The following KIRREL3 variants were observed in gnomAD, a reference collection of about 807,000 sequenced individuals.
KIRREL3 encodes kin of IRRE-like protein 3.
Under a neutral mutation model 89.7 loss-of-function variants are expected in KIRREL3, and 36 were observed. The observed-to-expected ratio is 0.40, with a 90% CI of 0.31 to 0.53. The LOEUF (loss-of-function observed/expected upper bound fraction) is 0.53. KIRREL3 is among the 20% of genes least tolerant of loss of function. The pLI is 0.49. For missense variants in KIRREL3, 864 were observed against 1,056.6 expected (o/e 0.82, Z 2.53); for synonymous variants, 445 against 441.4 (o/e 1.01, Z -0.10).
chr11:126,593,030 A>C (rs1047929756), intron 1 of KIRREL3, among the ~76,000 whole-genome samples: 18 of 152,298 alleles, frequency 1.2e-4, no homozygotes, highest in African/African-American at 3.6e-4. Flanking sequence ...AAGGGCTTCT[A>C]GGCCTGAAGC....
intron 1 of KIRREL3, among the ~76,000 whole-genome samples, chr11:126,889,053 G>A (rs1376751418): frequency 6.6e-6 from 1 of 152,240 alleles, no homozygotes; most frequent in Non-Finnish European, 1.5e-5. Flanking sequence ...ATTTACTGAA[G>A]TATGATTGCA....
chr11:126,995,157 T>C lies in KIRREL3; in HGVS notation c.55+5298A>G, dbSNP rs1238021139. The C allele has an allele frequency of 2.2e-6, 1 of 455,698 alleles. No individual in the cohort carries two copies. Among genetic ancestry groups the C allele is most frequent in the Non-Finnish European group, 4.4e-6 (1 of 226,920 alleles). 28.2% of individuals were successfully genotyped at this position (455,698 alleles called of 1,614,324 possible). A position where few individuals can be genotyped will look rare whatever the true frequency, so the allele number is the denominator to read the frequency against. On this transcript the variant is annotated intron_variant, in intron 1 of 16. Coordinates refer to ENST00000525144, the MANE Select transcript of KIRREL3 (RefSeq NM_032531.4). The surrounding 1 kb of genome is among the most constrained non-coding windows in gnomAD (Gnocchi z 6.5). ...TCCCTTACGAATAGCTGTGATGGGATATGAAATCCAAGGGAACTGTTAGCC... is the reference window on the plus strand; with the variant it reads ...TCCCTTACGAATAGCTGTGATGGGACATGAAATCCAAGGGAACTGTTAGCC...
chr11:126,835,038 T>C (rs1317395252), intron 1 of KIRREL3, among the ~76,000 whole-genome samples: 1 of 152,252 alleles, frequency 6.6e-6, no homozygotes, highest in African/African-American at 2.4e-5. Context: ...GAACATAATT[T>C]TGTTTGAAAT....
chr11:126,446,865 T>C lies in KIRREL3; in HGVS notation c.1019A>G (p.Glu340Gly). 1 of 1,604,918 alleles carries C rather than the reference T, an allele frequency of 6.2e-7. No individual in the cohort carries two copies. The highest frequency in any genetic ancestry group is 1.7e-5 in the Admixed American group (1 of 58,764). ...DVYFGPRMTT[E>G]PQSLLVDLGS... is the part of the protein sequence containing the mutation. ...CAGATCCACGAGCAAGGATTGGGGT[T>C]CTGTGGTCATCCGGGGCCCAACTGC... The change falls in exon 9 of 17, where the codon GAA (glutamate) becomes GGA (glycine). Residue 340 changes from glutamate (E) to glycine (G), a missense_variant. Transcript: ENST00000525144.
intron 1 of KIRREL3, among the ~76,000 whole-genome samples, chr11:126,982,809 T>A (rs1010516620): frequency 6.6e-6 from 1 of 152,238 alleles, no homozygotes; most frequent in Non-Finnish European, 1.5e-5. Context: ...TCTTTCACAC[T>A]GTTGTTGTTG....
chr11:126,927,021 G>C (rs1337065046), intron 1 of KIRREL3, among the ~76,000 whole-genome samples: 1 of 152,180 alleles, frequency 6.6e-6, no homozygotes, highest in Non-Finnish European at 1.5e-5. Context: ...GCAAAATATT[G>C]GCAATCGAGC....
At position 126,489,865 on chromosome 11, in the gene KIRREL3, T is replaced by A. The variant is rs1282208544; in HGVS notation, c.434-16399A>T. On this transcript the variant is annotated intron_variant, in intron 4 of 16. Coordinates refer to ENST00000525144, the MANE Select transcript of KIRREL3 (RefSeq NM_032531.4). The surrounding 1 kb of genome is among the most constrained non-coding windows in gnomAD (Gnocchi z 5.5). ...GATCCTCTATCAAAAAACAGGATGG[T>A]GTCGAGTTGCAGTGGGTGCGCTGGG... Among the ~76,000 whole-genome samples, 2 of 152,066 alleles carry A rather than the reference T, an allele frequency of 1.3e-5. No individual in the cohort carries two copies. Among genetic ancestry groups the A allele is most frequent in the Non-Finnish European group, 2.9e-5 (2 of 68,018 alleles).
At position 126,724,573 on chromosome 11, in the gene KIRREL3, T is replaced by A. The variant is rs1031049076; in HGVS notation, c.56-161661A>T. Among the ~76,000 whole-genome samples, 1 of 152,184 alleles carries A rather than the reference T, an allele frequency of 6.6e-6. No homozygotes were observed. The highest frequency in any genetic ancestry group is 2.4e-5 in the African/African-American group (1 of 41,446). ...TTCCAGCTGAAGCAACACGTTTCTGTCCCCAAGGGATGAAGAAGTTTCTTC... is the reference window on the plus strand; with the variant it reads ...TTCCAGCTGAAGCAACACGTTTCTGACCCCAAGGGATGAAGAAGTTTCTTC... On this transcript the variant is annotated intron_variant, in intron 1 of 16. Coordinates refer to ENST00000525144, the MANE Select transcript of KIRREL3 (RefSeq NM_032531.4). The surrounding 1 kb of genome is among the most constrained non-coding windows in gnomAD (Gnocchi z 4.3).
At position 126,430,215 on chromosome 11, in the gene KIRREL3, A is replaced by G. The variant is rs1229361960; in HGVS notation, c.1697-927T>C. On this transcript the variant is annotated intron_variant, in intron 14 of 16. Transcript: ENST00000525144. The surrounding 1 kb of genome is among the most constrained non-coding windows in gnomAD (Gnocchi z 6.6). ...ATCCCAGCACATTGGGAGGCCGAGG[A>G]AGGCGGACCACTTGAGGCCAGGAGT... 6.6e-6 allele frequency among the ~76,000 whole-genome samples: 1 copy of G among 151,516 alleles called. No homozygotes were observed. Among genetic ancestry groups the G allele is most frequent in the African/African-American group, 2.4e-5 (1 of 41,164 alleles).
chr11:126,542,851 A>C (rs1938476287), intron 2 of KIRREL3, among the ~76,000 whole-genome samples: 1 of 152,206 alleles, frequency 6.6e-6, no homozygotes, highest in South Asian at 2.1e-4. Flanking sequence ...AGTGCTGACT[A>C]TATATGTGTC....
chr11:126,633,167 T>G (rs917007458), intron 1 of KIRREL3, among the ~76,000 whole-genome samples: 1 of 152,030 alleles, frequency 6.6e-6, no homozygotes, highest in Non-Finnish European at 1.5e-5. Flanking sequence ...TGTTTGGCCA[T>G]GCCGAGTCCC....
At chr11:126,631,956 C>G (rs1055753445) in intron 1 of KIRREL3, among the ~76,000 whole-genome samples, 1 of 152,146 alleles carries the variant, frequency 6.6e-6, no homozygotes, top group African/African-American at 2.4e-5. Context: ...GAAAGGATGG[C>G]TTCCTAGACT....
chr11:126,442,001 G>A (rs565653711), intron 10 of KIRREL3, among the ~76,000 whole-genome samples: 4 of 152,148 alleles, frequency 2.6e-5, no homozygotes, highest in South Asian at 4.2e-4. Flanking sequence ...GGTCAGGTGC[G>A]GTGGCTCACA....
rs573767347 is a variant in KIRREL3, at chr11:126,450,884, T to C, written c.849-1727A>G. Reference sequence around the variant, plus strand: ...ACGTGTGTGTGCATGTGTGCATGTGTGCATGTGCGTGTGTGCATGTGCGTG... The same window carrying C: ...ACGTGTGTGTGCATGTGTGCATGTGCGCATGTGCGTGTGTGCATGTGCGTG... On this transcript the variant is annotated intron_variant, in intron 7 of 16. Coordinates refer to ENST00000525144, the MANE Select transcript of KIRREL3 (RefSeq NM_032531.4). Among the ~76,000 whole-genome samples the C allele has an allele frequency of 2.9e-3, 423 of 147,562 alleles. 5 individuals are homozygous for C. The highest frequency in any genetic ancestry group is 0.01 in the African/African-American group (383 of 37,990).
intron 2 of KIRREL3, among the ~76,000 whole-genome samples, chr11:126,546,505 C>A (rs1938822514): frequency 6.6e-6 from 1 of 152,244 alleles, no homozygotes; most frequent in South Asian, 2.1e-4. Context: ...CCCAGCACAA[C>A]CTGGGGGCAG....
intron 1 of KIRREL3, among the ~76,000 whole-genome samples, chr11:126,925,106 G>T (rs577244462): frequency 5.2e-4 from 77 of 148,828 alleles, no homozygotes; most frequent in African/African-American, 1.1e-3. Flanking sequence ...TCGGGGGGGG[G>T]GGGGGGCTGT....
At chr11:126,882,183 G>T (rs1470435283) in intron 1 of KIRREL3, among the ~76,000 whole-genome samples, 2 of 152,100 alleles carry the variant, frequency 1.3e-5, no homozygotes, top group Non-Finnish European at 2.9e-5. Flanking sequence ...TTCACTGAAG[G>T]ATCCTTTCAA....
intron 1 of KIRREL3, among the ~76,000 whole-genome samples, chr11:126,911,191 GC>G (rs1468594245): frequency 6.6e-6 from 1 of 152,132 alleles, no homozygotes; most frequent in African/African-American, 2.4e-5. Flanking sequence ...TCTAGACATG[GC>G]CCCTCCAAGT....
rs1217351930 is a variant in KIRREL3 at position 126,594,134 on chromosome 11, T to C, written c.56-31222A>G. 6.6e-6 allele frequency among the ~76,000 whole-genome samples: 1 copy of C among 152,112 alleles called. No individual in the cohort carries two copies. The highest frequency in any genetic ancestry group is 1.5e-5 in the Non-Finnish European group (1 of 68,000). On this transcript the variant is annotated intron_variant, in intron 1 of 16. Transcript: ENST00000525144. This position sits in a 1 kb window ranked among gnomAD's most constrained non-coding sequence, Gnocchi z 5.0. ...CCCATCCTCCACCCCTCCCTCCTGG[T>C]CACAGGTTCTGCCCTGAGATCTGAA...
Sources: gnomAD v4.1 joint callset for allele counts (sites outside exome capture counted in the v4.1 genomes callset) on GRCh38, gnomAD v4.1.1 for gene constraint, Gnocchi (gnomAD v3.1) non-coding constraint, MANE v1.5 for transcripts, NCBI Gene and HGNC (gene_info 2026-07-23, HGNC 2026-07-21) for gene names.